The following EPHA6 variants were observed in gnomAD, a reference collection of about 807,000 sequenced individuals.
EPHA6 encodes EPH receptor A6.
EPHA6 carries 50 observed loss-of-function variants against 112.0 expected under a neutral mutation model. The ratio of observed to expected loss-of-function variants is 0.45; its 90% confidence interval spans 0.36 to 0.56. The LOEUF (loss-of-function observed/expected upper bound fraction) is 0.56, where lower values mean the gene tolerates loss of function less well. Ranked by LOEUF, EPHA6 falls within the 20% of genes least tolerant of loss-of-function variation. The probability of loss-of-function intolerance (pLI) is 0.00; values close to 1 mark genes in which losing one functional copy is unlikely to be tolerated. For synonymous variants in EPHA6, 529 were observed against 490.7 expected (o/e 1.08, Z -1.03); for missense variants, 1,280 against 1,417.4 (o/e 0.90, Z 1.56).
At chr3:97,354,647 C>CCTTAAAGAG in intron 5 of EPHA6, among the ~76,000 whole-genome samples, 1 of 152,040 alleles carries the variant, frequency 6.6e-6, no homozygotes, top group East Asian at 1.9e-4. Context: ...GAATTATTGG[C>CCTTAAAGAG]CTTAAAGAGG....
intron 1 of EPHA6, among the ~76,000 whole-genome samples, chr3:96,853,116 A>T (rs2035493175): frequency 1.3e-5 from 2 of 152,108 alleles, no homozygotes; most frequent in African/African-American, 4.8e-5. Context: ...ATATATTCAC[A>T]GTTTGCTCCT....
intron 7 of EPHA6, among the ~76,000 whole-genome samples, chr3:97,466,899 A>G (rs904303584): frequency 2.6e-5 from 4 of 151,940 alleles, no homozygotes; most frequent in Non-Finnish European, 5.9e-5. Context: ...CTCAAGCCAC[A>G]GTGTCCAATA....
At chr3:97,734,305 C>T (rs1383678310) in intron 15 of EPHA6, among the ~76,000 whole-genome samples, 4 of 152,032 alleles carry the variant, frequency 2.6e-5, no homozygotes, top group African/African-American at 9.7e-5. Context: ...TATGCTATTT[C>T]TCTTAGTTGC....
intron 6 of EPHA6, among the ~76,000 whole-genome samples, chr3:97,432,849 G>A (rs996732093): frequency 6.6e-6 from 1 of 152,200 alleles, no homozygotes; most frequent in East Asian, 1.9e-4. Flanking sequence ...AACAGCATGT[G>A]GGAAACCACC....
rs187439877 is a variant in EPHA6, at chr3:96,983,150, A to G, written c.451-4180A>G. On this transcript the variant is annotated intron_variant, in intron 2 of 17. Coordinates refer to ENST00000389672, the MANE Select transcript of EPHA6 (RefSeq NM_001080448.3). ...TTGATGCAGTTTCTTCCTAGCCTCG[A>G]TGGTCTTTACAATCTGGCATGTTTT... 1.9e-3 allele frequency among the ~76,000 whole-genome samples: 293 copies of G among 152,238 alleles called. 5 individuals are homozygous for G. Among genetic ancestry groups the G allele is most frequent in the Admixed American group, 0.017 (257 of 15,276 alleles).
At chr3:97,096,444 A>T (rs1333964633) in intron 3 of EPHA6, among the ~76,000 whole-genome samples, 1 of 151,872 alleles carries the variant, frequency 6.6e-6, no homozygotes, top group Non-Finnish European at 1.5e-5. Flanking sequence ...GAACTACATA[A>T]ATTTGTTCAA....
chr3:97,304,602 C>T (rs1314252726), intron 5 of EPHA6, among the ~76,000 whole-genome samples: 1 of 151,916 alleles, frequency 6.6e-6, no homozygotes, highest in East Asian at 1.9e-4. Context: ...ACATCTATAG[C>T]CATCTGATCT....
intron 2 of EPHA6, among the ~76,000 whole-genome samples, chr3:96,983,087 C>T (rs1402637315): frequency 6.6e-6 from 1 of 152,182 alleles, no homozygotes; most frequent in African/African-American, 2.4e-5. Flanking sequence ...GAATTTGATC[C>T]TGTCATTATG....
At chr3:97,459,565 A>C (rs1481279832) in intron 7 of EPHA6, among the ~76,000 whole-genome samples, 1 of 152,008 alleles carries the variant, frequency 6.6e-6, no homozygotes, top group Admixed American at 6.6e-5. Context: ...CTAGGTTTTT[A>C]TTTTTCTTCC....
At chr3:97,208,116 T>C (rs1027657727) in intron 3 of EPHA6, among the ~76,000 whole-genome samples, 1 of 152,108 alleles carries the variant, frequency 6.6e-6, no homozygotes, top group African/African-American at 2.4e-5. Flanking sequence ...GTGTCTGCTG[T>C]TGCTGCATAT....
intron 4 of EPHA6, among the ~76,000 whole-genome samples, chr3:97,232,755 AT>A (rs1358938956): frequency 6.6e-6 from 1 of 152,148 alleles, no homozygotes; most frequent in Non-Finnish European, 1.5e-5. Context: ...CAGCTGCCTC[AT>A]TTGGCCCTTT....
intron 11 of EPHA6, among the ~76,000 whole-genome samples, chr3:97,588,998 C>A (rs1286192450): frequency 1.3e-5 from 2 of 152,094 alleles, no homozygotes; most frequent in Non-Finnish European, 2.9e-5. Context: ...GCTACAATAT[C>A]AAATTTAAAA....
At chr3:97,326,880 C>A (rs1330004847) in intron 5 of EPHA6, among the ~76,000 whole-genome samples, 5 of 152,070 alleles carry the variant, frequency 3.3e-5, no homozygotes, top group Admixed American at 6.6e-5. Context: ...ATGAAAACTG[C>A]CTAACCAATC....
At chr3:97,346,961 A>C (rs1331154297) in intron 5 of EPHA6, among the ~76,000 whole-genome samples, 1 of 152,102 alleles carries the variant, frequency 6.6e-6, no homozygotes, top group African/African-American at 2.4e-5. Context: ...GGAGAGTCTG[A>C]TGATAACTTG....
chr3:97,118,157 A>G (rs2047945568), intron 3 of EPHA6, among the ~76,000 whole-genome samples: 1 of 151,872 alleles, frequency 6.6e-6, no homozygotes. Flanking sequence ...GAGCAACTTT[A>G]TATACAAAAG....
intron 11 of EPHA6, among the ~76,000 whole-genome samples, chr3:97,562,187 G>A (rs1324316807): frequency 6.6e-6 from 1 of 152,124 alleles, no homozygotes; most frequent in Non-Finnish European, 1.5e-5. Context: ...GACTTTCAAT[G>A]TTATTATTTC....
intron 5 of EPHA6, among the ~76,000 whole-genome samples, chr3:97,313,938 A>G (rs1254044306): frequency 6.6e-6 from 1 of 151,624 alleles, no homozygotes; most frequent in Non-Finnish European, 1.5e-5. Flanking sequence ...TTGGAGTCCT[A>G]TTCAAGAAAT....
chr3:96,974,976 A>C (rs1188577981), intron 2 of EPHA6, among the ~76,000 whole-genome samples: 1 of 152,142 alleles, frequency 6.6e-6, no homozygotes, highest in Non-Finnish European at 1.5e-5. Context: ...TCAGGGCCAC[A>C]CAGGAAGCAC....
At chr3:97,722,378 A>T (rs1394193904) in intron 15 of EPHA6, among the ~76,000 whole-genome samples, 1 of 152,252 alleles carries the variant, frequency 6.6e-6, no homozygotes, top group African/African-American at 2.4e-5. Flanking sequence ...AAGATTATCT[A>T]GGCCAATCCC....
Sources: allele counts gnomAD v4.1 joint callset (sites outside exome capture counted in the v4.1 genomes callset), GRCh38; gene constraint gnomAD v4.1.1; transcripts MANE v1.5; gene names NCBI Gene and HGNC (gene_info 2026-07-23, HGNC 2026-07-21).